The following SCOC variants were observed in gnomAD, a reference collection of about 807,000 sequenced individuals.
SCOC encodes short coiled coil protein.
Under a neutral mutation model 9.9 loss-of-function variants are expected in SCOC, and 7 were observed. That is an observed-to-expected ratio of 0.71 (90% CI 0.40 to 1.33). SCOC has a LOEUF of 1.33. Ranked by LOEUF, SCOC falls within the 40% of genes most tolerant of loss-of-function variation. The pLI is 0.01. For missense variants in SCOC, 66 were observed against 89.7 expected, an observed-to-expected ratio of 0.74 and a Z score of 1.07; for synonymous variants, 19 against 28.2, an observed-to-expected ratio of 0.67 and a Z score of 1.03.
intron 1 of SCOC, among the ~76,000 whole-genome samples, chr4:140,306,773 G>GT (rs11398337): frequency 0.4 from 61,433 of 151,780 alleles, 15,030 homozygotes; most frequent in African/African-American, 0.69. Context: ...TAGGAAGTAT[G>GT]TTGTAGGTAG....
At chr4:140,373,752 C>T (rs1728181630) in intron 1 of SCOC, 35 bp downstream of exon 1, 1 of 1,533,450 alleles carries the variant, frequency 6.5e-7, no homozygotes. Context: ...GGGCCTGGCC[C>T]CAGGCGACTA....
intron 2 of SCOC, among the ~76,000 whole-genome samples, chr4:140,346,690 G>T (rs181836996): frequency 1.1e-4 from 17 of 152,166 alleles, no homozygotes; most frequent in African/African-American, 4.1e-4. Flanking sequence ...AGCCAGTTGT[G>T]CTTCATAAAT....
intron 1 of SCOC, among the ~76,000 whole-genome samples, chr4:140,302,218 C>CT (rs569391345): frequency 2.3e-4 from 35 of 150,922 alleles, no homozygotes; most frequent in African/African-American, 6.8e-4. Flanking sequence ...TTTGAGTCAG[C>CT]TTTTTTTTTC....
intron 1 of SCOC, among the ~76,000 whole-genome samples, chr4:140,313,986 G>A (rs1443409596): frequency 1.3e-5 from 2 of 152,046 alleles, no homozygotes; most frequent in East Asian, 1.9e-4. Context: ...AAAATTAGCC[G>A]GGTGTGGTGG....
At chr4:140,345,890 A>C (rs1384646632) in intron 2 of SCOC, among the ~76,000 whole-genome samples, 1 of 152,202 alleles carries the variant, frequency 6.6e-6, no homozygotes, top group African/African-American at 2.4e-5. Context: ...AGTCAATATT[A>C]AATGCAATAG....
chr4:140,359,977 G>A (rs1199435183), intron 2 of SCOC, among the ~76,000 whole-genome samples: 1 of 152,076 alleles, frequency 6.6e-6, no homozygotes, highest in Non-Finnish European at 1.5e-5. Flanking sequence ...ACTTTTTGTC[G>A]CCCCCTTGTG....
chr4:140,340,467 A>T (rs984276371), upstream of SCOC, among the ~76,000 whole-genome samples: 1 of 152,058 alleles, frequency 6.6e-6, no homozygotes, highest in Admixed American at 6.6e-5. Flanking sequence ...AGTATAATAA[A>T]AAAAAAAGAA....
intron 2 of SCOC, among the ~76,000 whole-genome samples, chr4:140,362,147 C>A (rs1158251728): frequency 6.6e-6 from 1 of 151,368 alleles, no homozygotes; most frequent in African/African-American, 2.4e-5. Context: ...AGAGCCTGGC[C>A]ATATCTTTGC....
intron 1 of SCOC, among the ~76,000 whole-genome samples, chr4:140,282,609 A>G (rs1490783568): frequency 6.6e-6 from 1 of 152,202 alleles, no homozygotes; most frequent in Non-Finnish European, 1.5e-5. Context: ...TGCTAATGCT[A>G]AAGTCAAACT....
intron 2 of SCOC, among the ~76,000 whole-genome samples, chr4:140,363,462 CAT>C (rs1043757502): frequency 1.3e-5 from 2 of 151,960 alleles, no homozygotes; most frequent in African/African-American, 2.4e-5. Context: ...AATGCATAAA[CAT>C]ATGTAGATAC....
At chr4:140,357,770 T>C (rs1247712434) in intron 2 of SCOC, among the ~76,000 whole-genome samples, 3 of 152,258 alleles carry the variant, frequency 2.0e-5, no homozygotes, top group Admixed American at 6.5e-5. Context: ...CATCTCACTA[T>C]ACTACTTTTC....
chr4:140,306,408 G>A (rs745798120), intron 1 of SCOC, among the ~76,000 whole-genome samples: 2 of 152,310 alleles, frequency 1.3e-5, no homozygotes, highest in South Asian at 2.1e-4. Context: ...GTACCCCTCT[G>A]AGTAAGTTAG....
intron 1 of SCOC, among the ~76,000 whole-genome samples, chr4:140,270,861 A>G (rs1236699925): frequency 6.6e-6 from 1 of 152,186 alleles, no homozygotes; most frequent in Non-Finnish European, 1.5e-5. Context: ...TGATACAGAT[A>G]GATACAATTA....
chr4:140,325,540 A>G lies in SCOC; in HGVS notation c.-18-18081A>G, dbSNP rs1378185976. Among the ~76,000 whole-genome samples, 4 of 152,186 alleles carry G rather than the reference A, an allele frequency of 2.6e-5. No homozygotes were observed. In the East Asian group the frequency reaches 7.7e-4, roughly 29 times the overall value. ...ACAAACGGGCAAAATATCTGAACAG[A>G]TATTTCTTTAAGAAGATATCAATAG... On this transcript the variant is annotated intron_variant, in intron 1 of 4. Transcript: ENST00000394205.
At chr4:140,366,972 C>T in intron 2 of SCOC, 1 of 459,028 alleles carries the variant, frequency 2.2e-6, no homozygotes, top group South Asian at 2.2e-5. Context: ...TTGGGAGGCC[C>T]AGGTGGGTGG....
At chr4:140,313,559 A>G (rs941095272) in intron 1 of SCOC, among the ~76,000 whole-genome samples, 10 of 152,180 alleles carry the variant, frequency 6.6e-5, no homozygotes, top group African/African-American at 2.4e-4. Context: ...GCGGAAATAT[A>G]GATTTTAAAC....
intron 1 of SCOC, among the ~76,000 whole-genome samples, chr4:140,292,189 GT>G (rs5862468): frequency 0.18 from 24,132 of 135,300 alleles, 3,644 homozygotes; most frequent in African/African-American, 0.45. Flanking sequence ...TACTCTTCTG[GT>G]TTTTTTTTTT....
chr4:140,367,918 T>C (rs1727871841), intron 2 of SCOC, among the ~76,000 whole-genome samples: 2 of 152,192 alleles, frequency 1.3e-5, no homozygotes, highest in African/African-American at 4.8e-5. Flanking sequence ...TAGGGAACCA[T>C]TCACTTAACT....
At chr4:140,334,614 C>T (rs539459408) in intron 1 of SCOC, among the ~76,000 whole-genome samples, 1 of 152,134 alleles carries the variant, frequency 6.6e-6, no homozygotes, top group East Asian at 1.9e-4. Context: ...GTGAGTTCTA[C>T]CGTCTGAACA....
Sources: gnomAD v4.1 joint callset for allele counts (sites outside exome capture counted in the v4.1 genomes callset) on GRCh38, gnomAD v4.1.1 for gene constraint, MANE v1.5 for transcripts, NCBI Gene and HGNC (gene_info 2026-07-23, HGNC 2026-07-21) for gene names.